PTPRD: variants seen among roughly 807,000 people sequenced by gnomAD.
The protein encoded by PTPRD is receptor-type tyrosine-protein phosphatase delta.
Under a neutral mutation model 214.5 loss-of-function variants are expected in PTPRD, and 34 were observed. That is an observed-to-expected ratio of 0.16 (90% CI 0.12 to 0.21). The LOEUF is 0.21. Ranked by LOEUF, PTPRD falls within the 10% of genes least tolerant of loss-of-function variation. The pLI is 1.00. For missense variants in PTPRD, 2,545 were observed against 2,398.7 expected, an observed-to-expected ratio of 1.06 and a Z score of -1.27; for synonymous variants, 1,128 against 845.7, an observed-to-expected ratio of 1.33 and a Z score of -5.79.
chr9:9,997,285 ATTT>A (rs60029845), intron 4 of PTPRD, among the ~76,000 whole-genome samples: 4 of 143,312 alleles, frequency 2.8e-5, no homozygotes, highest in Admixed American at 7.0e-5. Context: ...AAGATAAGCA[ATTT>A]TTTTTTTTTT....
At chr9:9,275,420 G>A (rs556751624) in intron 9 of PTPRD, among the ~76,000 whole-genome samples, 1 of 150,186 alleles carries the variant, frequency 6.7e-6, no homozygotes, top group East Asian at 2.0e-4. Context: ...ATTCAGTGCA[G>A]AGGGGCTGTG....
chr9:9,108,653 T>C (rs949092796), intron 10 of PTPRD, among the ~76,000 whole-genome samples: 31 of 152,192 alleles, frequency 2.0e-4, no homozygotes, highest in Admixed American at 1.8e-3. Flanking sequence ...AGATCTTAAA[T>C]GCTTTACCCA....
chr9:9,751,888 GAT>G (rs1264566277), intron 6 of PTPRD, among the ~76,000 whole-genome samples: 1 of 152,048 alleles, frequency 6.6e-6, no homozygotes, highest in Admixed American at 6.6e-5. Flanking sequence ...TAAATAAAGT[GAT>G]ATATAAAGCA....
At chr9:10,553,942 C>T (rs1469579004) in intron 2 of PTPRD, among the ~76,000 whole-genome samples, 1 of 152,110 alleles carries the variant, frequency 6.6e-6, no homozygotes, top group Non-Finnish European at 1.5e-5. Context: ...TTCTGGGAGA[C>T]TGCTGTTTTT....
intron 26 of PTPRD, 58 bp from the exon 27 acceptor site, chr9:8,493,037 A>T (rs2097182973): frequency 1.4e-6 from 2 of 1,411,638 alleles, no homozygotes; most frequent in Admixed American, 1.7e-5. Context: ...GCTCTGGGGG[A>T]AAAACAAGGC....
At chr9:10,102,253 A>C (rs984267654) in intron 3 of PTPRD, among the ~76,000 whole-genome samples, 15 of 151,532 alleles carry the variant, frequency 9.9e-5, no homozygotes, top group African/African-American at 3.6e-4. Context: ...GGATCAAGAT[A>C]TTTCATCTAA....
At chr9:10,511,372 T>C (rs1224530860) in intron 2 of PTPRD, among the ~76,000 whole-genome samples, 1 of 152,004 alleles carries the variant, frequency 6.6e-6, no homozygotes, top group East Asian at 1.9e-4. Flanking sequence ...TGTACCACTT[T>C]ACCTCACCGG....
intron 9 of PTPRD, among the ~76,000 whole-genome samples, chr9:9,349,812 G>A (rs912662098): frequency 9.2e-5 from 14 of 151,792 alleles, no homozygotes. Context: ...TATGGGGACA[G>A]AATCTGCATT....
At chr9:9,656,894 C>T (rs1388135691) in intron 7 of PTPRD, among the ~76,000 whole-genome samples, 1 of 151,892 alleles carries the variant, frequency 6.6e-6, no homozygotes, top group African/African-American at 2.4e-5. Context: ...TACATAGGAA[C>T]ACTGTAATTT....
intron 8 of PTPRD, among the ~76,000 whole-genome samples, chr9:9,507,401 A>T (rs906571401): frequency 1.3e-5 from 2 of 151,216 alleles, no homozygotes; most frequent in African/African-American, 4.8e-5. Context: ...TGTATACAAT[A>T]AAAATGTAAG....
At chr9:8,361,211 T>C (rs1398618597) in intron 39 of PTPRD, among the ~76,000 whole-genome samples, 1 of 152,220 alleles carries the variant, frequency 6.6e-6, no homozygotes, top group African/African-American at 2.4e-5. Context: ...ACATTTTAAA[T>C]CTAGCTCTGC....
intron 3 of PTPRD, among the ~76,000 whole-genome samples, chr9:10,060,345 T>C (rs941412176): frequency 6.6e-6 from 1 of 152,054 alleles, no homozygotes; most frequent in African/African-American, 2.4e-5. Context: ...GCAAATTCAC[T>C]CAGATACATT....
intron 6 of PTPRD, among the ~76,000 whole-genome samples, chr9:9,757,419 A>C (rs1366061685): frequency 6.6e-6 from 1 of 152,152 alleles, no homozygotes; most frequent in Non-Finnish European, 1.5e-5. Context: ...TGAAAACACT[A>C]ATTTTATGAA....
intron 11 of PTPRD, among the ~76,000 whole-genome samples, chr9:8,768,404 T>C (rs1188578540): frequency 6.6e-6 from 1 of 151,988 alleles, no homozygotes; most frequent in Non-Finnish European, 1.5e-5. Flanking sequence ...ACAAAACAAT[T>C]AGCTGGGTGT....
chr9:10,355,765 A>T (rs1597919502), intron 2 of PTPRD, among the ~76,000 whole-genome samples: 1 of 152,114 alleles, frequency 6.6e-6, no homozygotes, highest in Admixed American at 6.5e-5. Flanking sequence ...GGCGTGAGCC[A>T]CCGCGGCCGG....
chr9:9,553,041 A>G (rs1192099398), intron 8 of PTPRD, among the ~76,000 whole-genome samples: 1 of 152,076 alleles, frequency 6.6e-6, no homozygotes, highest in Non-Finnish European at 1.5e-5. Flanking sequence ...TGATAGTATA[A>G]TAATTTATTC....
intron 9 of PTPRD, among the ~76,000 whole-genome samples, chr9:9,275,111 T>TAAC (rs1944708037): frequency 1.9e-5 from 1 of 51,550 alleles, no homozygotes. Flanking sequence ...TAATATATTA[T>TAAC]ATATATATTA....
intron 2 of PTPRD, among the ~76,000 whole-genome samples, chr9:10,484,905 T>C (rs2132356482): frequency 6.6e-6 from 1 of 152,154 alleles, no homozygotes; most frequent in South Asian, 2.1e-4. Context: ...ATACCCATGC[T>C]TATGGGATAT....
At chr9:9,681,666 C>T (rs949857342) in intron 7 of PTPRD, among the ~76,000 whole-genome samples, 5 of 151,700 alleles carry the variant, frequency 3.3e-5, no homozygotes, top group Non-Finnish European at 7.4e-5. Flanking sequence ...CTTTTATCTC[C>T]TTGAGAGAAA....
Sources: allele counts gnomAD v4.1 joint callset (sites outside exome capture counted in the v4.1 genomes callset), GRCh38; gene constraint gnomAD v4.1.1; transcripts MANE v1.5; gene names NCBI Gene and HGNC (gene_info 2026-07-23, HGNC 2026-07-21).